The following CACNA1H variants were observed in gnomAD, a reference collection of about 807,000 sequenced individuals.
CACNA1H encodes the protein voltage-dependent T-type calcium channel subunit alpha-1H.
In CACNA1H, 149 loss-of-function variants were observed where a neutral mutation model predicts 192.5. The ratio of observed to expected loss-of-function variants is 0.77; its 90% confidence interval spans 0.68 to 0.89. The LOEUF (loss-of-function observed/expected upper bound fraction) is 0.89, where lower values mean the gene tolerates loss of function less well. CACNA1H is among the 40% of genes least tolerant of loss of function. The probability of loss-of-function intolerance (pLI) is 0.00; values close to 1 mark genes in which losing one functional copy is unlikely to be tolerated. For synonymous variants in CACNA1H, 2,202 were observed against 1,475.2 expected (o/e 1.49, Z -11.29); for missense variants, 4,257 against 3,423.5 (o/e 1.24, Z -6.08).
chr16:1,201,029 C>T (rs887533576), intron 8 of CACNA1H, among the ~76,000 whole-genome samples: 1 of 152,080 alleles, frequency 6.6e-6, no homozygotes, highest in African/African-American at 2.4e-5. Context: ...GGTGCTGGCT[C>T]AGGGCTGAAG....
chr16:1,182,589 C>T (rs1161422242), intron 2 of CACNA1H, among the ~76,000 whole-genome samples: 2 of 152,184 alleles, frequency 1.3e-5, no homozygotes, highest in East Asian at 3.9e-4. Context: ...AGGCGGCTGG[C>T]TCCGGCCACG....
intron 2 of CACNA1H, among the ~76,000 whole-genome samples, chr16:1,161,041 G>A (rs1343134344): frequency 6.6e-6 from 1 of 152,142 alleles, no homozygotes; most frequent in African/African-American, 2.4e-5. Flanking sequence ...AGGCTCCTCT[G>A]ACCCCCAAGG....
chr16:1,171,392 C>T (rs1343892226), intron 2 of CACNA1H, among the ~76,000 whole-genome samples: 1 of 152,158 alleles, frequency 6.6e-6, no homozygotes, highest in African/African-American at 2.4e-5. Context: ...CTTAGAAAGT[C>T]ACTGGGTTCC....
Position 1,193,392 on chromosome 16 carries a change from C to A in CACNA1H, c.300-1580C>A, listed in dbSNP as rs532539653. ...GCCTGGCACGGCTTCCACAGCAGGG[C>A]CTCGGCTCCTGCCCCCACCACCTTG... On this transcript the variant is annotated intron_variant, in intron 2 of 34. Coordinates refer to ENST00000348261, the MANE Select transcript of CACNA1H (RefSeq NM_021098.3). 2.6e-5 allele frequency among the ~76,000 whole-genome samples: 4 copies of A among 152,382 alleles called. No homozygotes were observed. The East Asian group carries it at 7.7e-4, about 29-fold the overall frequency.
intron 2 of CACNA1H, among the ~76,000 whole-genome samples, chr16:1,170,107 A>G (rs1964213020): frequency 6.6e-6 from 1 of 152,134 alleles, no homozygotes; most frequent in Non-Finnish European, 1.5e-5. Flanking sequence ...GCGAGCTCCC[A>G]GCAGCTGGGG....
Position 1,214,166 on chromosome 16 carries a change from C to T in CACNA1H, c.4929+235C>T, listed in dbSNP as rs533798439. ...AGTGTCCCACCCAAGGAGGGGCTGGCGGGAGGTGAGTGTCCCACCCAAGGA... is the reference window on the plus strand; with the variant it reads ...AGTGTCCCACCCAAGGAGGGGCTGGTGGGAGGTGAGTGTCCCACCCAAGGA... On this transcript the variant is annotated intron_variant, in intron 27 of 34. Coordinates refer to ENST00000348261, the MANE Select transcript of CACNA1H (RefSeq NM_021098.3). 1.4e-3 allele frequency among the ~76,000 whole-genome samples: 216 copies of T among 152,174 alleles called. 1 individual carries two copies. Among genetic ancestry groups the T allele is most frequent in the Non-Finnish European group, 2.6e-3 (174 of 67,962 alleles).
intron 2 of CACNA1H, among the ~76,000 whole-genome samples, chr16:1,174,476 C>A (rs1964670668): frequency 6.6e-6 from 1 of 152,128 alleles, no homozygotes; most frequent in Non-Finnish European, 1.5e-5. Context: ...CCTGGCCCAG[C>A]CTGGACTCTG....
chr16:1,191,789 G>C (rs1476476742), intron 2 of CACNA1H, among the ~76,000 whole-genome samples: 1 of 89,942 alleles, frequency 1.1e-5, no homozygotes, highest in Non-Finnish European at 2.3e-5. Context: ...TGGCCTGGCT[G>C]TGTGGCCTCA....
chr16:1,203,875 T>A, intron 9 of CACNA1H, 135 bp from the exon 10 acceptor site: 1 of 630,078 alleles, frequency 1.6e-6, no homozygotes, highest in Non-Finnish European at 2.7e-6. Flanking sequence ...CAGTCACAGG[T>A]TCTGGAGGTT....
rs752515650 is a variant in CACNA1H, at chr16:1,205,162, A to G, written c.2500A>G (p.Ser834Gly). 1.2e-6 allele frequency: 2 copies of G among 1,613,056 alleles called. No homozygotes were observed. The change falls in exon 11 of 35, where the codon AGC becomes GGC. Residue 834 changes from serine (S) to glycine (G), a missense_variant. By Grantham distance (56) the Ser-to-Gly change is moderately conservative (BLOSUM62 0). Coordinates refer to ENST00000348261, the MANE Select transcript of CACNA1H (RefSeq NM_021098.3). ...ALEISNIVFTSMFALEMLLKL... is the reference protein window; with the variant it reads ...ALEISNIVFTGMFALEMLLKL... Reference sequence around the variant, plus strand: ...GGAGATCAGCAACATCGTGTTCACCAGCATGTTTGCCCTGGAGATGCTGCT... The same window carrying G: ...GGAGATCAGCAACATCGTGTTCACCGGCATGTTTGCCCTGGAGATGCTGCT...
At chr16:1,205,703 C>T (rs922213586) in intron 11 of CACNA1H, among the ~76,000 whole-genome samples, 8 of 152,184 alleles carry the variant, frequency 5.3e-5, no homozygotes, top group Non-Finnish European at 1.0e-4. Context: ...CCCGGTCTTC[C>T]CCTAGGAGGA....
At position 1,201,658 on chromosome 16, in the gene CACNA1H, C is replaced by T; in HGVS notation, c.1213-5C>T. On this transcript the variant is annotated splice_region_variant and splice_polypyrimidine_tract_variant and intron_variant, in intron 8 of 34. Transcript: ENST00000348261. The stretch of plus-strand genomic sequence containing the variant: ...CTGCCACTTACCCGCCCGCCCCCGT[C>T]ACAGGTGGGCTCCTTCTTCATGATC... 1.3e-6 allele frequency: 2 copies of T among 1,585,420 alleles called. No homozygotes were observed. Among genetic ancestry groups the T allele is most frequent in the Middle Eastern group, 2.1e-4 (1 of 4,808 alleles).
Position 1,204,530 on chromosome 16 carries a change from C to T in CACNA1H, c.2451+72C>T, listed in dbSNP as rs1192653542. On this transcript the variant is annotated intron_variant, in intron 10 of 34. Transcript: ENST00000348261. ...GGGCCTGGGGAGTCTCAGGAGGCTTCCAGCAGCCCCGATGCCTGACCTGAT... is the reference window on the plus strand; with the variant it reads ...GGGCCTGGGGAGTCTCAGGAGGCTTTCAGCAGCCCCGATGCCTGACCTGAT... The T allele has an allele frequency of 9.6e-6, 12 of 1,253,532 alleles. No individual in the cohort carries two copies. In the South Asian group the frequency reaches 1.5e-4, roughly 16 times the overall value. 77.7% of individuals were successfully genotyped at this position (1,253,532 alleles called of 1,614,324 possible). A position where few individuals can be genotyped will look rare whatever the true frequency, so the allele number is the denominator to read the frequency against.
rs761021717 is a variant in CACNA1H at position 1,200,433 on chromosome 16, C to G, written c.981C>G (p.Ala327=). ...GGGAGGCCTACACGCAGCCGCAGGC[C>G]GAGGGGGTGGGCGCTGCACGCAACG... ...LGWEAYTQPQ[A]EGVGAARNAC... The change falls in exon 7 of 35, where the codon GCC becomes GCG. Residue 327 remains alanine (A), a synonymous_variant. Coordinates refer to ENST00000348261, the MANE Select transcript of CACNA1H (RefSeq NM_021098.3). 1.2e-6 allele frequency: 2 copies of G among 1,610,420 alleles called. No individual in the cohort carries two copies. The highest frequency in any genetic ancestry group is 1.7e-6 in the Non-Finnish European group (2 of 1,179,490).
rs1201110090 is a variant in CACNA1H, at chr16:1,207,447, A to C, written c.3063+17A>C. ...CAGGCGGAGGTGAGGGGGCAGGGAG[A>C]GGGGCTGCCAGGAGGAGGGCGATGA... On this transcript the variant is annotated intron_variant, in intron 14 of 34. Transcript: ENST00000348261. The C allele has an allele frequency of 6.2e-7, 1 of 1,609,340 alleles. No homozygotes were observed.
chr16:1,217,056 C>A, intron 31 of CACNA1H, 46 bp downstream of exon 31: 1 of 1,497,988 alleles, frequency 6.7e-7, no homozygotes, highest in East Asian at 2.4e-5. Flanking sequence ...GGGGTCCTGA[C>A]AGGCGCCCCT....
rs59052554 is a variant in CACNA1H, at chr16:1,206,259, C to T, written c.2759C>T (p.Thr920Met). 2.6e-3 allele frequency: 4,076 copies of T among 1,574,574 alleles called. 11 individuals are homozygous for T. The highest frequency in any genetic ancestry group is 3.0e-3 in the Non-Finnish European group (3,529 of 1,161,166). ...KTMDNVATFC[T>M]LLMLFIFIFS... The stretch of plus-strand genomic sequence containing the variant: ...ATGGACAACGTGGCTACCTTCTGCA[C>T]GCTGCTCATGCTCTTCATTTTCATC... Residue 920 changes from threonine (T) to methionine (M), a missense_variant, in exon 12 of 35, where the codon ACG becomes ATG. Thr to Met is a moderately conservative substitution (Grantham distance 81). Transcript: ENST00000348261.
At chr16:1,169,532 C>T (rs1964151499) in intron 2 of CACNA1H, among the ~76,000 whole-genome samples, 1 of 152,208 alleles carries the variant, frequency 6.6e-6, no homozygotes, top group Non-Finnish European at 1.5e-5. Context: ...TCCCCGTGGG[C>T]AGCGACCCCA....
Position 1,176,303 on chromosome 16 carries a change from G to A in CACNA1H, c.300-18669G>A, listed in dbSNP as rs76730456. 1.5e-3 allele frequency among the ~76,000 whole-genome samples: 228 copies of A among 152,344 alleles called. 2 individuals are homozygous for A. Among genetic ancestry groups the A allele is most frequent in the African/African-American group, 5.1e-3 (214 of 41,576 alleles). The stretch of plus-strand genomic sequence containing the variant: ...TCACCCACCACGGGAGGGCAGGGGC[G>A]AGGCGCAGCAGCAATGTCTCGGAGC... On this transcript the variant is annotated intron_variant, in intron 2 of 34. Transcript: ENST00000348261.
Sources: gnomAD v4.1 joint callset for allele counts (sites outside exome capture counted in the v4.1 genomes callset) on GRCh38, gnomAD v4.1.1 for gene constraint, MANE v1.5 for transcripts, NCBI Gene and HGNC (gene_info 2026-07-23, HGNC 2026-07-21) for gene names.